ASIC2: variants seen among roughly 807,000 people sequenced by gnomAD.
ASIC2 encodes the protein acid-sensing ion channel 2.
ASIC2 carries 25 observed loss-of-function variants against 57.3 expected under a neutral mutation model. That is an observed-to-expected ratio of 0.44 (90% confidence interval 0.32 to 0.61). The LOEUF (loss-of-function observed/expected upper bound fraction) is 0.61, where lower values mean the gene tolerates loss of function less well. Among genes scored for constraint, ASIC2 ranks in the 20% least tolerant of loss-of-function variants. The pLI is 0.06. For missense variants in ASIC2, 641 were observed against 738.1 expected, an observed-to-expected ratio of 0.87 and a Z score of 1.52; for synonymous variants, 319 against 307.5, an observed-to-expected ratio of 1.04 and a Z score of -0.39.
chr17:33,336,613 C>T (rs573430177), intron 1 of ASIC2, among the ~76,000 whole-genome samples: 2 of 152,272 alleles, frequency 1.3e-5, no homozygotes, highest in South Asian at 4.1e-4. Context: ...CGTTTAGTCC[C>T]ATTCCACAGG....
intron 1 of ASIC2, among the ~76,000 whole-genome samples, chr17:33,840,676 G>A (rs896488190): frequency 2.0e-5 from 3 of 152,122 alleles, no homozygotes; most frequent in African/African-American, 7.2e-5. Context: ...GTAAGCTTTT[G>A]TTCAATCCTA....
chr17:34,069,146 G>C (rs1245164427), intron 1 of ASIC2, among the ~76,000 whole-genome samples: 3 of 152,014 alleles, frequency 2.0e-5, no homozygotes, highest in Non-Finnish European at 4.4e-5. Context: ...TGCAGAAGCT[G>C]GCAAACGCTA....
chr17:33,205,521 T>C (rs983810799), intron 1 of ASIC2, among the ~76,000 whole-genome samples: 47 of 152,218 alleles, frequency 3.1e-4, no homozygotes, highest in African/African-American at 8.7e-4. Context: ...GTTCAACATA[T>C]CATAATTTAG....
At chr17:33,685,364 T>C (rs1336638025) in intron 1 of ASIC2, among the ~76,000 whole-genome samples, 1 of 152,178 alleles carries the variant, frequency 6.6e-6, no homozygotes. Flanking sequence ...CTGCTGCATG[T>C]GTGGCCCTCA....
intron 1 of ASIC2, among the ~76,000 whole-genome samples, chr17:33,813,546 C>G (rs553046879): frequency 1.3e-5 from 2 of 152,170 alleles, no homozygotes; most frequent in Admixed American, 1.3e-4. Flanking sequence ...ACGCCATTCT[C>G]CTGCCTCAGC....
At chr17:33,937,224 C>T (rs1317378221) in intron 1 of ASIC2, among the ~76,000 whole-genome samples, 2 of 152,196 alleles carry the variant, frequency 1.3e-5, no homozygotes, top group Non-Finnish European at 2.9e-5. Flanking sequence ...GCCTCAGCCT[C>T]CCAATTAGCT....
chr17:33,404,892 T>C (rs996448798), intron 1 of ASIC2, among the ~76,000 whole-genome samples: 4 of 152,194 alleles, frequency 2.6e-5, no homozygotes, highest in Non-Finnish European at 5.9e-5. Flanking sequence ...TGACCCAATA[T>C]AGCAAGTACC....
chr17:34,096,129 T>C (rs1910538878), intron 1 of ASIC2, among the ~76,000 whole-genome samples: 1 of 152,182 alleles, frequency 6.6e-6, no homozygotes, highest in African/African-American at 2.4e-5. Context: ...GCCTCGGGCA[T>C]AGTACCAGGC....
At chr17:33,202,080 T>A (rs1446935360) in intron 1 of ASIC2, among the ~76,000 whole-genome samples, 1 of 149,658 alleles carries the variant, frequency 6.7e-6, no homozygotes, top group Admixed American at 6.6e-5. Context: ...CGTCTAACAC[T>A]ACTGGCTTGC....
At chr17:34,106,272 A>C (rs969173286) in intron 1 of ASIC2, among the ~76,000 whole-genome samples, 6 of 152,170 alleles carry the variant, frequency 3.9e-5, no homozygotes, top group African/African-American at 1.4e-4. Context: ...AGGTGTTGCC[A>C]ATTTTTTGAA....
chr17:33,602,371 G>T (rs2142010664), intron 1 of ASIC2, among the ~76,000 whole-genome samples: 1 of 152,236 alleles, frequency 6.6e-6, no homozygotes, highest in Admixed American at 6.5e-5. Context: ...ATAAATTAAT[G>T]TCATTATCCC....
intron 1 of ASIC2, among the ~76,000 whole-genome samples, chr17:34,104,534 T>C (rs1020551207): frequency 2.0e-5 from 3 of 152,250 alleles, no homozygotes; most frequent in Admixed American, 6.5e-5. Flanking sequence ...GCCTTTTTTT[T>C]CTGATCTTAG....
chr17:33,866,028 G>T (rs1914229706), intron 1 of ASIC2, among the ~76,000 whole-genome samples: 1 of 152,026 alleles, frequency 6.6e-6, no homozygotes, highest in South Asian at 2.1e-4. Flanking sequence ...TGTTTTGTCT[G>T]ATTTCTTTGC....
At chr17:33,269,398 G>T (rs1412332702) in intron 1 of ASIC2, among the ~76,000 whole-genome samples, 4 of 152,066 alleles carry the variant, frequency 2.6e-5, no homozygotes, top group African/African-American at 4.8e-5. Context: ...CCCATCGGGG[G>T]GAAACACAGA....
chr17:33,876,076 G>A lies in ASIC2; in HGVS notation c.555+279902C>T, dbSNP rs116851308. Among the ~76,000 whole-genome samples, 87 of 152,292 alleles carry A rather than the reference G, an allele frequency of 5.7e-4. 1 individual carries two copies. In the East Asian group the frequency reaches 0.015, roughly 26 times the overall value. Reference sequence around the variant, plus strand: ...CATATTATTCAAAGTACTTGGGATCGAGATTCAAAGGACTTTGGTTCAAGT... The same window carrying A: ...CATATTATTCAAAGTACTTGGGATCAAGATTCAAAGGACTTTGGTTCAAGT... On this transcript the variant is annotated intron_variant, in intron 1 of 9. Coordinates refer to the ASIC2 transcript ENST00000359872.
At chr17:33,896,945 C>A (rs1362729383) in intron 1 of ASIC2, among the ~76,000 whole-genome samples, 1 of 152,146 alleles carries the variant, frequency 6.6e-6, no homozygotes, top group Non-Finnish European at 1.5e-5. Context: ...GACATCCTGG[C>A]CGAAAAATGA....
At chr17:34,098,084 G>A (rs201357365) in intron 1 of ASIC2, among the ~76,000 whole-genome samples, 24 of 152,294 alleles carry the variant, frequency 1.6e-4, no homozygotes, top group African/African-American at 4.6e-4. Context: ...TGTCAGGGGC[G>A]GGTTTGGAGC....
Position 33,229,396 on chromosome 17 carries a change from G to A in ASIC2, c.708+62012C>T, listed in dbSNP as rs115604042. 2.8e-3 allele frequency among the ~76,000 whole-genome samples: 420 copies of A among 152,336 alleles called. 2 individuals carry two copies. The highest frequency in any genetic ancestry group is 9.4e-3 in the African/African-American group (389 of 41,572). On this transcript the variant is annotated intron_variant, in intron 1 of 9. Coordinates refer to ENST00000225823, the MANE Select transcript of ASIC2 (RefSeq NM_183377.2). ...GATATGAGGAATGTGGTCTGAGCAT[G>A]GGGACAGGTAGAATCCAGGGTGACA...
At chr17:33,652,454 G>A (rs10221246) in intron 1 of ASIC2, among the ~76,000 whole-genome samples, 57,167 of 152,030 alleles carry the variant, frequency 0.38, 10,974 homozygotes, top group African/African-American at 0.45. Flanking sequence ...TTCAATCCTC[G>A]CAATAACTCT....
Sources: allele counts gnomAD v4.1 joint callset (sites outside exome capture counted in the v4.1 genomes callset), GRCh38; gene constraint gnomAD v4.1.1; transcripts MANE v1.5; gene names NCBI Gene and HGNC (gene_info 2026-07-23, HGNC 2026-07-21).